The following ODAD1 variants were observed in gnomAD, a reference collection of about 807,000 sequenced individuals.
ODAD1 encodes the protein outer dynein arm docking complex subunit 1.
Under a neutral mutation model 67.2 loss-of-function variants are expected in ODAD1, and 49 were observed. That is an observed-to-expected ratio of 0.73 (90% CI 0.58 to 0.92). The LOEUF (loss-of-function observed/expected upper bound fraction) is 0.92. ODAD1 is among the 40% of genes least tolerant of loss of function. The pLI, the probability that ODAD1 is intolerant of heterozygous loss-of-function variation, is 0.00. For synonymous variants in ODAD1, 345 were observed against 393.7 expected, an observed-to-expected ratio of 0.88 and a Z score of 1.46; for missense variants, 897 against 953.7, an observed-to-expected ratio of 0.94 and a Z score of 0.78.
At position 48,304,143 on chromosome 19, in the gene ODAD1, G is replaced by A; in HGVS notation, c.666-3C>T. The A allele has an allele frequency of 6.3e-7, 1 of 1,599,510 alleles. No individual in the cohort carries two copies. Among genetic ancestry groups the A allele is most frequent in the Admixed American group, 1.7e-5 (1 of 59,666 alleles). Reference sequence around the variant, plus strand: ...CCATCTTGGCCTTCGCCTCCTCCCTGCGGGGGTCAGCCGGGGTCAGGATGA... The same window carrying A: ...CCATCTTGGCCTTCGCCTCCTCCCTACGGGGGTCAGCCGGGGTCAGGATGA... On this transcript the variant is annotated splice_polypyrimidine_tract_variant and splice_region_variant and intron_variant, in intron 8 of 15. Coordinates refer to ENST00000674294, the MANE Select transcript of ODAD1 (RefSeq NM_001364171.2).
chr19:48,321,788 G>A lies in ODAD1; in HGVS notation c.-174C>T. On this transcript the variant is annotated 5_prime_UTR_variant, in exon 1 of 16. Transcript: ENST00000674294. ...GGAGCCCGAGAGGTGCCGGTCTTAA[G>A]CTGACTGTGACCACGTTAAATTAAG... The A allele has an allele frequency of 2.5e-6, 1 of 398,702 alleles. No individual in the cohort carries two copies. Among genetic ancestry groups the A allele is most frequent in the East Asian group, 3.6e-5 (1 of 28,078 alleles). 24.7% of individuals were successfully genotyped at this position (398,702 alleles called of 1,614,324 possible).
At position 48,297,452 on chromosome 19, in the gene ODAD1, C is replaced by A. The variant is rs776093467; in HGVS notation, c.1648G>T (p.Asp550Tyr). 5.9e-5 allele frequency: 95 copies of A among 1,602,548 alleles called. No individual in the cohort carries two copies. The highest frequency in any genetic ancestry group is 3.4e-4 in the Middle Eastern group (2 of 5,960). Residue 550 changes from aspartate (D) to tyrosine (Y), a missense_variant, in exon 16 of 16, where the codon GAC becomes TAC. Physicochemically the swap from Asp to Tyr is radical, Grantham distance 160. Coordinates refer to ENST00000674294, the MANE Select transcript of ODAD1 (RefSeq NM_001364171.2). ...GCCAGGTCCACGCTCAGGGTGCCGT[C>A]CAGCTTCGCGGCGGCGGCGGCCAGG... ...KDLAAAAAKL[D>Y]GTLSVDLAST...
chr19:48,318,377 C>G lies in ODAD1; in HGVS notation c.360+10G>C, dbSNP rs563337350. The G allele has an allele frequency of 6.5e-7, 1 of 1,549,528 alleles. No homozygotes were observed. Among genetic ancestry groups the G allele is most frequent in the South Asian group, 1.2e-5 (1 of 83,976 alleles). The stretch of plus-strand genomic sequence containing the variant: ...AAGCAGGATCCGTAGAACCACCTCT[C>G]AAACCCCACCTGCTTGTCCAGGGCC... On this transcript the variant is annotated intron_variant, in intron 5 of 15. Coordinates refer to ENST00000674294, the MANE Select transcript of ODAD1 (RefSeq NM_001364171.2).
chr19:48,321,002 C>A (rs550908851), intron 1 of ODAD1, among the ~76,000 whole-genome samples, 191 bp from the exon 2 acceptor site: 1 of 152,212 alleles, frequency 6.6e-6, no homozygotes, highest in Admixed American at 6.5e-5. Flanking sequence ...TTTGGGAGGC[C>A]GAGGCGGGCG....
At chr19:48,309,103 C>T (rs1404739600) in intron 7 of ODAD1, among the ~76,000 whole-genome samples, 1 of 152,188 alleles carries the variant, frequency 6.6e-6, no homozygotes, top group Non-Finnish European at 1.5e-5. Context: ...CCACCCCGAT[C>T]CCTGCAGGCT....
Position 48,298,238 on chromosome 19 carries a change from A to G in ODAD1, c.1343T>C (p.Leu448Pro), listed in dbSNP as rs1334511708. 3.7e-6 allele frequency: 6 copies of G among 1,614,018 alleles called. No homozygotes were observed. Among genetic ancestry groups the G allele is most frequent in the Non-Finnish European group, 5.1e-6 (6 of 1,180,004 alleles). Residue 448 changes from leucine to proline, a missense_variant, in exon 13 of 16, where the codon CTG becomes CCG. Transcript: ENST00000674294. The stretch of plus-strand genomic sequence containing the variant: ...CACCAGCCGCTTCTCAATGAGGCTC[A>G]GGAAGAGGCCCATGTCCCGGTCTCC... ...SMGDRDMGLFLSLIEKRLVEL... is the reference protein window; with the variant it reads ...SMGDRDMGLFPSLIEKRLVEL...
Position 48,306,242 on chromosome 19 carries a change from C to G in ODAD1, c.665+14G>C. ...ATCTGGGTCCCGCCATCCCAGGATA[C>G]CCGCAGTCTCTACCTGACGGCGTAG... On this transcript the variant is annotated intron_variant, in intron 8 of 15. Coordinates refer to ENST00000674294, the MANE Select transcript of ODAD1 (RefSeq NM_001364171.2). 6.4e-7 allele frequency: 1 copy of G among 1,551,416 alleles called. No individual in the cohort carries two copies. The highest frequency in any genetic ancestry group is 8.7e-7 in the Non-Finnish European group (1 of 1,146,834).
chr19:48,299,357 G>A (rs1968395918), intron 12 of ODAD1, among the ~76,000 whole-genome samples: 1 of 152,088 alleles, frequency 6.6e-6, no homozygotes, highest in Admixed American at 6.5e-5. Context: ...GTTGCAGTAA[G>A]CCCAGATCAC....
At position 48,318,576 on chromosome 19, in the gene ODAD1, A is replaced by G. The variant is rs891657444; in HGVS notation, c.171T>C (p.Leu57=). The G allele has an allele frequency of 1.9e-6, 3 of 1,550,304 alleles. No homozygotes were observed. Among genetic ancestry groups the G allele is most frequent in the Non-Finnish European group, 2.6e-6 (3 of 1,146,142 alleles). The part of the protein sequence containing the change: ...KEVHQRINKQ[L]EEIRRLEEVR... ...CCTCCTCCAAGCGCCGGATCTCCTCACTACCCAGGCAGGGAGGTGGAAGAG... is the reference window on the plus strand; with the variant it reads ...CCTCCTCCAAGCGCCGGATCTCCTCGCTACCCAGGCAGGGAGGTGGAAGAG... The change falls in exon 5 of 16, where the codon CTT becomes CTC. Residue 57 remains leucine, a splice_region_variant and synonymous_variant. Coordinates refer to ENST00000674294, the MANE Select transcript of ODAD1 (RefSeq NM_001364171.2).
rs1241518011 is a variant in ODAD1 at position 48,317,848 on chromosome 19, G to A, written c.360+539C>T. Among the ~76,000 whole-genome samples the A allele has an allele frequency of 3.3e-5, 5 of 151,934 alleles. No homozygotes were observed. In the East Asian group the frequency reaches 7.8e-4, roughly 24 times the overall value. Reference sequence around the variant, plus strand: ...AGCACTTTGGGAGGCCGAGGTGGGCGGATCACAAGGTCAGGAGATCAAGAC... The same window carrying A: ...AGCACTTTGGGAGGCCGAGGTGGGCAGATCACAAGGTCAGGAGATCAAGAC... On this transcript the variant is annotated intron_variant, in intron 5 of 15. Coordinates refer to ENST00000674294, the MANE Select transcript of ODAD1 (RefSeq NM_001364171.2).
chr19:48,297,371 C>T lies in ODAD1; in HGVS notation c.1729G>A (p.Ala577Thr). 4 of 1,609,184 alleles carry T rather than the reference C, an allele frequency of 2.5e-6. No individual in the cohort carries two copies. The highest frequency in any genetic ancestry group is 3.4e-6 in the Non-Finnish European group (4 of 1,179,960). ...TGGCTCAAAATGGACCCGGGGATGGCATGGGGGTGCCTGGTGGGCACCAGG... is the reference window on the plus strand; with the variant it reads ...TGGCTCAAAATGGACCCGGGGATGGTATGGGGGTGCCTGGTGGGCACCAGG... Reference protein sequence around the residue: ...TVLVPTRHPHAIPGSILSHKT... With the variant: ...TVLVPTRHPHTIPGSILSHKT... Residue 577 changes from alanine to threonine, a missense_variant, in exon 16 of 16, where the codon GCC (alanine) becomes ACC (threonine). Coordinates refer to ENST00000674294, the MANE Select transcript of ODAD1 (RefSeq NM_001364171.2).
Position 48,306,283 on chromosome 19 carries a change from A to G in ODAD1, c.638T>C (p.Leu213Pro), listed in dbSNP as rs1968605688. 3 of 1,551,534 alleles carry G rather than the reference A, an allele frequency of 1.9e-6. No individual in the cohort carries two copies. Among genetic ancestry groups the G allele is most frequent in the Non-Finnish European group, 2.6e-6 (3 of 1,146,922 alleles). The change falls in exon 8 of 16, where the codon CTC (leucine) becomes CCC (proline). Residue 213 changes from leucine to proline, a missense_variant. Coordinates refer to ENST00000674294, the MANE Select transcript of ODAD1 (RefSeq NM_001364171.2). ...HLHHLVSTLI[L>P]SSTSAYAVRE... ...GACGGCGTAGGCAGAGGTGGAGGAG[A>G]GGATAAGGGTGCTGACCAGGTGATG... is the stretch of plus-strand genomic sequence containing the variant.
chr19:48,302,190 C>T lies in ODAD1; in HGVS notation c.1240+504G>A, dbSNP rs563265275. ...GATAGATATAGAACAGATGAAGGAA[C>T]AGACCCTGGATAGATAGATGGATAT... On this transcript the variant is annotated intron_variant, in intron 12 of 15. Coordinates refer to ENST00000674294, the MANE Select transcript of ODAD1 (RefSeq NM_001364171.2). Among the ~76,000 whole-genome samples, 7 of 140,912 alleles carry T rather than the reference C, an allele frequency of 5.0e-5. No individual in the cohort carries two copies. The South Asian group carries it at 1.6e-3, about 32-fold the overall frequency. The allele number at this position is 140,912 out of a possible 152,430, so 92.4% of individuals were successfully genotyped here. A position where few individuals can be genotyped will look rare whatever the true frequency, so the allele number is the denominator to read the frequency against.
chr19:48,311,065 A>G (rs889928828), intron 7 of ODAD1, among the ~76,000 whole-genome samples: 1 of 152,292 alleles, frequency 6.6e-6, no homozygotes, highest in Admixed American at 6.5e-5. Flanking sequence ...ACAAAAAATT[A>G]GCTGGGCGTG....
chr19:48,302,751 C>T lies in ODAD1; in HGVS notation c.1183G>A (p.Glu395Lys), dbSNP rs1419666594. ...QRMDKVHSEA[E>K]RLEARFQDVR... Reference sequence around the variant, plus strand: ...TCCTGGAAGCGGGCCTCAAGGCGCTCAGCCTCCGAGTGCACCTTGTCCATG... The same window carrying T: ...TCCTGGAAGCGGGCCTCAAGGCGCTTAGCCTCCGAGTGCACCTTGTCCATG... The change falls in exon 12 of 16, where the codon GAG (glutamate) becomes AAG (lysine). Residue 395 changes from glutamate (E) to lysine (K), a missense_variant. Coordinates refer to ENST00000674294, the MANE Select transcript of ODAD1 (RefSeq NM_001364171.2). 2 of 1,613,566 alleles carry T rather than the reference C, an allele frequency of 1.2e-6. No individual in the cohort carries two copies. The highest frequency in any genetic ancestry group is 1.7e-4 in the Middle Eastern group (1 of 6,058).
At chr19:48,305,697 C>T (rs923979350) in intron 8 of ODAD1, among the ~76,000 whole-genome samples, 3 of 152,166 alleles carry the variant, frequency 2.0e-5, no homozygotes, top group African/African-American at 2.4e-5. Context: ...TGAGCCACCT[C>T]GCCCAGCCAG....
chr19:48,316,868 A>T (rs1968911539), intron 5 of ODAD1, among the ~76,000 whole-genome samples: 1 of 152,142 alleles, frequency 6.6e-6, no homozygotes, highest in Non-Finnish European at 1.5e-5. Flanking sequence ...GCTTGGTGGC[A>T]CGTGCCTGTA....
rs769701772 is a variant in ODAD1 at position 48,303,702 on chromosome 19, G to A, written c.936C>T (p.Ser312=). Residue 312 remains serine, a synonymous_variant, in exon 10 of 16, where the codon TCC becomes TCT. Transcript: ENST00000674294. Reference sequence around the variant, plus strand: ...CAGGGTCACTCTCCCCCATCAGCTGGGACAGTTTATTCAGGGCGTCCTCGT... The same window carrying A: ...CAGGGTCACTCTCCCCCATCAGCTGAGACAGTTTATTCAGGGCGTCCTCGT... ...LCYEDALNKL[S]QLMGESDPDL... The A allele has an allele frequency of 8.1e-6, 13 of 1,614,010 alleles. No homozygotes were observed. The highest frequency in any genetic ancestry group is 1.3e-5 in the African/African-American group (1 of 74,920).
rs78666932 is a variant in ODAD1, at chr19:48,309,243, G to A, written c.597+2310C>T. Among the ~76,000 whole-genome samples the A allele has an allele frequency of 3.6e-3, 541 of 152,250 alleles. 3 individuals are homozygous for A. The highest frequency in any genetic ancestry group is 0.013 in the African/African-American group (520 of 41,554). On this transcript the variant is annotated intron_variant, in intron 7 of 15. Coordinates refer to ENST00000674294, the MANE Select transcript of ODAD1 (RefSeq NM_001364171.2). ...GCAGGCAGATTCCTGGGCAGAAGAG[G>A]GCAAGTACCCGGTAAGGTCCCTCCT...
Sources: allele counts gnomAD v4.1 joint callset (sites outside exome capture counted in the v4.1 genomes callset), GRCh38; gene constraint gnomAD v4.1.1; transcripts MANE v1.5; gene names NCBI Gene and HGNC (gene_info 2026-07-23, HGNC 2026-07-21).